CSGALNACT1: variants seen among roughly 807,000 people sequenced by gnomAD.
The protein encoded by CSGALNACT1 is beta4GalNAcT-1.
Under a neutral mutation model 51.0 loss-of-function variants are expected in CSGALNACT1, and 52 were observed. That is an observed-to-expected ratio of 1.02 (90% confidence interval 0.82 to 1.29). The LOEUF (loss-of-function observed/expected upper bound fraction) is 1.29. CSGALNACT1 is among the 50% of genes most tolerant of loss of function. The pLI, the probability that CSGALNACT1 is intolerant of heterozygous loss-of-function variation, is 0.00. For synonymous variants in CSGALNACT1, 341 were observed against 254.4 expected, an observed-to-expected ratio of 1.34 and a Z score of -3.24; for missense variants, 935 against 679.2, an observed-to-expected ratio of 1.38 and a Z score of -4.19.
chr8:19,618,649 A>G (rs1467466173), intron 1 of CSGALNACT1, among the ~76,000 whole-genome samples: 5 of 120,288 alleles, frequency 4.2e-5, no homozygotes, highest in East Asian at 1.9e-4. Flanking sequence ...AAAAAAAAAA[A>G]AAAAAAAGAA....
chr8:19,746,368 G>A (rs2064663661), intron 1 of CSGALNACT1, among the ~76,000 whole-genome samples: 1 of 152,016 alleles, frequency 6.6e-6, no homozygotes, highest in Non-Finnish European at 1.5e-5. Flanking sequence ...TATTATAAGG[G>A]GCACCTAAAA....
At chr8:19,720,888 A>AG (rs2063088455) in intron 1 of CSGALNACT1, among the ~76,000 whole-genome samples, 1 of 152,170 alleles carries the variant, frequency 6.6e-6, no homozygotes, top group Non-Finnish European at 1.5e-5. Context: ...CCTGTCCCCA[A>AG]GGGGGCCTGC....
chr8:19,475,449 G>C (rs2069330596), intron 4 of CSGALNACT1, among the ~76,000 whole-genome samples: 1 of 152,132 alleles, frequency 6.6e-6, no homozygotes, highest in South Asian at 2.1e-4. Context: ...ATATTAAGCT[G>C]TACAAAAGTA....
chr8:19,491,360 T>C (rs1435785092), intron 4 of CSGALNACT1, among the ~76,000 whole-genome samples: 1 of 152,204 alleles, frequency 6.6e-6, no homozygotes. Flanking sequence ...TTCATGGACA[T>C]TTCTGAGAAT....
At chr8:19,662,902 C>A (rs547851336) in intron 1 of CSGALNACT1, among the ~76,000 whole-genome samples, 1 of 152,148 alleles carries the variant, frequency 6.6e-6, no homozygotes, top group East Asian at 1.9e-4. Flanking sequence ...TTCAACCACT[C>A]CCATGAAACA....
At chr8:19,541,138 G>A (rs941817526) in intron 3 of CSGALNACT1, among the ~76,000 whole-genome samples, 3 of 151,834 alleles carry the variant, frequency 2.0e-5, no homozygotes, top group African/African-American at 7.3e-5. Context: ...AGAATGCAGT[G>A]GCATGATCGC....
At chr8:19,708,810 AG>A (rs1346240291) in intron 1 of CSGALNACT1, among the ~76,000 whole-genome samples, 1 of 152,166 alleles carries the variant, frequency 6.6e-6, no homozygotes, top group Admixed American at 6.5e-5. Context: ...CACTGAGTGG[AG>A]GGGCAGGTGA....
At chr8:19,618,907 G>T (rs1350120432) in intron 1 of CSGALNACT1, among the ~76,000 whole-genome samples, 3 of 152,082 alleles carry the variant, frequency 2.0e-5, no homozygotes, top group Non-Finnish European at 4.4e-5. Context: ...ACCGCTGTAA[G>T]AGAAGAGAAA....
chr8:19,577,401 C>CA (rs111734132), intron 3 of CSGALNACT1, among the ~76,000 whole-genome samples: 1,128 of 104,102 alleles, frequency 0.011, 9 homozygotes, highest in Middle Eastern at 0.022. Context: ...CCCACCTCTA[C>CA]AAAAAAAAAA....
intron 1 of CSGALNACT1, among the ~76,000 whole-genome samples, chr8:19,654,678 G>A (rs547946708): frequency 6.6e-5 from 10 of 152,144 alleles, no homozygotes; most frequent in Admixed American, 3.9e-4. Flanking sequence ...CCAAGTAGCT[G>A]GGACTACAGG....
chr8:19,517,553 G>C (rs936003183), intron 3 of CSGALNACT1, among the ~76,000 whole-genome samples: 32 of 152,210 alleles, frequency 2.1e-4, no homozygotes, highest in Non-Finnish European at 2.9e-4. Context: ...TGCTGATAAA[G>C]ACGTGCCCGA....
chr8:19,521,647 G>T (rs1202179202), intron 3 of CSGALNACT1, among the ~76,000 whole-genome samples: 1 of 152,244 alleles, frequency 6.6e-6, no homozygotes, highest in South Asian at 2.1e-4. Context: ...CACACTACTA[G>T]ACTCCGTCTC....
At chr8:19,679,587 A>G (rs2060446368) in intron 1 of CSGALNACT1, among the ~76,000 whole-genome samples, 1 of 152,186 alleles carries the variant, frequency 6.6e-6, no homozygotes, top group South Asian at 2.1e-4. Context: ...CCCTGTAGCC[A>G]CCTTTAAAAA....
chr8:19,734,983 G>C lies in CSGALNACT1; in HGVS notation c.-297+22867C>G, dbSNP rs138647565. Among the ~76,000 whole-genome samples, 24 of 152,180 alleles carry C rather than the reference G, an allele frequency of 1.6e-4. No homozygotes were observed. The East Asian group carries it at 4.6e-3, about 29-fold the overall frequency. ...GATCCAAACAGATAAGAAAGATCAG[G>C]TTTGATCTTGCTATCCAGGAAATCA... On this transcript the variant is annotated intron_variant, in intron 1 of 1. Coordinates refer to the CSGALNACT1 transcript ENST00000517494.
intron 3 of CSGALNACT1, among the ~76,000 whole-genome samples, chr8:19,574,282 G>A (rs1479563477): frequency 6.6e-6 from 1 of 152,146 alleles, no homozygotes; most frequent in African/African-American, 2.4e-5. Context: ...TCTCAGTCCT[G>A]GAAACCATCT....
intron 4 of CSGALNACT1, among the ~76,000 whole-genome samples, chr8:19,486,258 G>C (rs2072908887): frequency 6.6e-6 from 1 of 151,948 alleles, no homozygotes; most frequent in Non-Finnish European, 1.5e-5. Context: ...GTTGTCACTT[G>C]TTACCACCTT....
chr8:19,470,405 C>G (rs1358940447), intron 4 of CSGALNACT1, among the ~76,000 whole-genome samples: 1 of 152,188 alleles, frequency 6.6e-6, no homozygotes, highest in Non-Finnish European at 1.5e-5. Flanking sequence ...GAGGTGCAGG[C>G]AGCGAGGCCA....
intron 3 of CSGALNACT1, among the ~76,000 whole-genome samples, chr8:19,567,719 A>G (rs1485791917): frequency 6.6e-6 from 1 of 152,230 alleles, no homozygotes. Flanking sequence ...TCTATTTTCT[A>G]TACGTAGAAA....
rs528721996 is a variant in CSGALNACT1, at chr8:19,576,757, G to T, written c.-297+14403C>A. On this transcript the variant is annotated intron_variant, in intron 3 of 9. Transcript: ENST00000454498. ...TGATTGCCCCATCAGTCTTACCTCT[G>T]CAGGCCAGAGCCAATACTTGGGCCC... Among the ~76,000 whole-genome samples, 3 of 152,052 alleles carry T rather than the reference G, an allele frequency of 2.0e-5. No individual in the cohort carries two copies. In the South Asian group the frequency reaches 6.3e-4, roughly 32 times the overall value.
Sources: gnomAD v4.1 joint callset for allele counts (sites outside exome capture counted in the v4.1 genomes callset) on GRCh38, gnomAD v4.1.1 for gene constraint, MANE v1.5 for transcripts, NCBI Gene and HGNC (gene_info 2026-07-23, HGNC 2026-07-21) for gene names.